The following ZNF385D variants were observed in gnomAD, a reference collection of about 807,000 sequenced individuals.
ZNF385D encodes the protein zinc finger protein 385D.
A neutral mutation model predicts 35.8 loss-of-function variants in ZNF385D; 15 were observed. The ratio of observed to expected loss-of-function variants is 0.42; its 90% CI spans 0.28 to 0.64. ZNF385D has a LOEUF of 0.64. ZNF385D is among the 30% of genes least tolerant of loss of function. The pLI is 0.23. For missense variants in ZNF385D, 474 were observed against 494.6 expected (o/e 0.96, Z 0.39); for synonymous variants, 212 against 186.8 (o/e 1.13, Z -1.10).
intron 3 of ZNF385D, among the ~76,000 whole-genome samples, chr3:22,096,307 C>A (rs935623774): frequency 6.6e-6 from 1 of 150,412 alleles, no homozygotes; most frequent in African/African-American, 2.4e-5. Context: ...CATGTAAACC[C>A]TGAATCTAAA....
At chr3:21,613,036 C>A (rs2125793606) in intron 2 of ZNF385D, among the ~76,000 whole-genome samples, 1 of 148,062 alleles carries the variant, frequency 6.8e-6, no homozygotes, top group South Asian at 2.1e-4. Context: ...AGAACACCCT[C>A]TAAATTCAGT....
At chr3:21,494,711 A>G (rs2125415688) in intron 4 of ZNF385D, among the ~76,000 whole-genome samples, 1 of 152,264 alleles carries the variant, frequency 6.6e-6, no homozygotes, top group African/African-American at 2.4e-5. Flanking sequence ...CTAGCACAAA[A>G]CTTCTCAACC....
chr3:21,761,901 A>T (rs1346778152), intron 3 of ZNF385D, among the ~76,000 whole-genome samples: 1 of 88,148 alleles, frequency 1.1e-5, no homozygotes, highest in Admixed American at 2.0e-4. Context: ...TTTTTTTGAG[A>T]CGGAGTCTCG....
chr3:21,875,915 A>C (rs762342009), intron 3 of ZNF385D, among the ~76,000 whole-genome samples: 6 of 152,124 alleles, frequency 3.9e-5, no homozygotes, highest in Non-Finnish European at 8.8e-5. Context: ...AATTGCAACT[A>C]GGCATTTAGA....
chr3:22,094,688 C>T (rs529488583), intron 3 of ZNF385D, among the ~76,000 whole-genome samples: 7 of 151,838 alleles, frequency 4.6e-5, no homozygotes, highest in African/African-American at 7.3e-5. Flanking sequence ...GAGAAGATGG[C>T]TAGTCATGAG....
intron 2 of ZNF385D, among the ~76,000 whole-genome samples, chr3:21,638,089 C>T (rs2065498007): frequency 6.6e-6 from 1 of 152,126 alleles, no homozygotes; most frequent in African/African-American, 2.4e-5. Flanking sequence ...GACATATTAG[C>T]AGAGAAACTT....
intron 3 of ZNF385D, among the ~76,000 whole-genome samples, chr3:21,878,548 A>G (rs1243318574): frequency 6.6e-6 from 1 of 151,060 alleles, no homozygotes; most frequent in African/African-American, 2.5e-5. Context: ...TTATTTTTCA[A>G]CTTTTATTTT....
intron 2 of ZNF385D, among the ~76,000 whole-genome samples, chr3:22,339,504 T>C (rs1033783716): frequency 6.6e-6 from 1 of 152,176 alleles, no homozygotes; most frequent in Non-Finnish European, 1.5e-5. Context: ...AAAGTACATA[T>C]GCAGTATAGA....
intron 3 of ZNF385D, among the ~76,000 whole-genome samples, chr3:21,866,384 G>A (rs1697363880): frequency 6.6e-6 from 1 of 152,144 alleles, no homozygotes; most frequent in Admixed American, 6.6e-5. Context: ...AACCCAGGAG[G>A]TGGAGGTTGC....
At chr3:21,600,688 CAG>C (rs772216793) in intron 2 of ZNF385D, among the ~76,000 whole-genome samples, 160 of 151,582 alleles carry the variant, frequency 1.1e-3, no homozygotes, top group Non-Finnish European at 2.0e-3. Flanking sequence ...AAAAAACACA[CAG>C]AGAGAGAGGA....
At chr3:22,364,319 T>C (rs1023065864) in intron 2 of ZNF385D, among the ~76,000 whole-genome samples, 2 of 152,014 alleles carry the variant, frequency 1.3e-5, no homozygotes, top group African/African-American at 4.8e-5. Context: ...AAGTAAAAGA[T>C]AACCACAGAC....
At chr3:21,571,319 C>T (rs1250533175) in intron 2 of ZNF385D, among the ~76,000 whole-genome samples, 1 of 152,106 alleles carries the variant, frequency 6.6e-6, no homozygotes, top group African/African-American at 2.4e-5. Context: ...GTATTCCATT[C>T]TAAAACCATA....
chr3:22,330,294 T>C (rs1245040637), intron 2 of ZNF385D, among the ~76,000 whole-genome samples: 1 of 152,212 alleles, frequency 6.6e-6, no homozygotes, highest in African/African-American at 2.4e-5. Flanking sequence ...TGTCAGGCTT[T>C]TATAAAATCA....
At chr3:21,549,174 C>T (rs1311118420) in intron 3 of ZNF385D, among the ~76,000 whole-genome samples, 2 of 152,272 alleles carry the variant, frequency 1.3e-5, no homozygotes, top group Non-Finnish European at 2.9e-5. Context: ...CAGATAAATA[C>T]AAACTTAATA....
At chr3:21,988,394 A>G (rs1396302852) in intron 3 of ZNF385D, among the ~76,000 whole-genome samples, 4 of 128,046 alleles carry the variant, frequency 3.1e-5, no homozygotes, top group East Asian at 2.2e-4. Flanking sequence ...AACAGACAGG[A>G]CCCTCAGCTG....
chr3:22,057,638 T>G (rs749353117), intron 3 of ZNF385D, among the ~76,000 whole-genome samples: 24 of 152,000 alleles, frequency 1.6e-4, no homozygotes, highest in Middle Eastern at 3.4e-3. Context: ...ACCTCCCGAG[T>G]AGCTGGAACG....
chr3:22,331,944 G>A (rs1469098104), intron 2 of ZNF385D, among the ~76,000 whole-genome samples: 2 of 152,060 alleles, frequency 1.3e-5, no homozygotes, highest in Admixed American at 6.6e-5. Flanking sequence ...TTGTGGTCTT[G>A]CTTTTCTAAA....
intron 3 of ZNF385D, among the ~76,000 whole-genome samples, chr3:22,057,211 TAATTA>T (rs1699451315): frequency 6.6e-6 from 1 of 152,228 alleles, no homozygotes; most frequent in South Asian, 2.1e-4. Context: ...TTGGGCAAGT[TAATTA>T]AATTTTCTCA....
intron 2 of ZNF385D, among the ~76,000 whole-genome samples, chr3:21,569,831 TCTCA>T (rs1381769738): frequency 6.8e-6 from 1 of 146,114 alleles, no homozygotes; most frequent in South Asian, 2.2e-4. Context: ...CACTGCGTGT[TCTCA>T]CTCATAGATG....
Sources: allele counts gnomAD v4.1 joint callset (sites outside exome capture counted in the v4.1 genomes callset), GRCh38; gene constraint gnomAD v4.1.1; transcripts MANE v1.5; gene names NCBI Gene and HGNC (gene_info 2026-07-23, HGNC 2026-07-21).